The following PIEZO1 variants were observed in gnomAD, a reference collection of about 807,000 sequenced individuals.
PIEZO1 encodes the protein piezo-type mechanosensitive ion channel component 1.
Under a neutral mutation model 297.2 loss-of-function variants are expected in PIEZO1, and 296 were observed. The ratio of observed to expected loss-of-function variants is 1.00; its 90% CI spans 0.91 to 1.10. The LOEUF (loss-of-function observed/expected upper bound fraction) is 1.10. PIEZO1 is among the 50% of genes least tolerant of loss of function. PIEZO1 has a pLI of 0.00. For synonymous variants in PIEZO1, 2,427 were observed against 1,507.5 expected (o/e 1.61, Z -14.13); for missense variants, 5,018 against 3,455.5 (o/e 1.45, Z -11.34).
At chr16:88,726,042 G>A (rs1485102129) in intron 27 of PIEZO1, 2 of 573,684 alleles carry the variant, frequency 3.5e-6, no homozygotes, top group Non-Finnish European at 6.2e-6. Flanking sequence ...GTTGGCTGGG[G>A]GTGAGACACC....
intron 1 of PIEZO1, among the ~76,000 whole-genome samples, chr16:88,784,560 G>A (rs968750): frequency 6.6e-6 from 1 of 151,436 alleles, no homozygotes; most frequent in African/African-American, 2.4e-5. Context: ...CCTTCCCACC[G>A]GGGCAAACAC....
intron 1 of PIEZO1, among the ~76,000 whole-genome samples, chr16:88,757,211 C>G (rs562243471): frequency 6.6e-6 from 1 of 150,994 alleles, no homozygotes; most frequent in Non-Finnish European, 1.5e-5. Context: ...CCCTCGGAGC[C>G]GGGGGCTGGA....
intron 1 of PIEZO1, among the ~76,000 whole-genome samples, chr16:88,753,055 A>G (rs540427273): frequency 2.8e-3 from 417 of 150,922 alleles, no homozygotes; most frequent in Middle Eastern, 0.017. Flanking sequence ...AGAGAGGAAG[A>G]GGGCTACTTA....
Position 88,722,309 on chromosome 16 carries a change from C to T in PIEZO1, c.4864G>A (p.Glu1622Lys), listed in dbSNP as rs2038147351. 6.5e-7 allele frequency: 1 copy of T among 1,547,546 alleles called. No individual in the cohort carries two copies. Among genetic ancestry groups the T allele is most frequent in the South Asian group, 1.2e-5 (1 of 83,832 alleles). The change falls in exon 36 of 51, where the codon GAG becomes AAG. Residue 1622 changes from glutamate to lysine, a missense_variant. Transcript: ENST00000301015. Reference sequence around the variant, plus strand: ...TCCCCGGGGTCGGTGACTGCCTCCTCACTGCCACTGCGCGTGTGGTAGCCG... The same window carrying T: ...TCCCCGGGGTCGGTGACTGCCTCCTTACTGCCACTGCGCGTGTGGTAGCCG... ...STGYHTRSGS[E>K]EAVTDPGERE...
rs145613283 is a variant in PIEZO1 at position 88,723,110 on chromosome 16, C to G, written c.4480G>C (p.Glu1494Gln). The G allele has an allele frequency of 1.3e-6, 2 of 1,548,386 alleles. No individual in the cohort carries two copies. The highest frequency in any genetic ancestry group is 1.2e-5 in the South Asian group (1 of 84,050). ...SQEVEPAEGP[E>Q]EAAAGRSHVV... ...GCCCACGTACCTGCCGCTGCCTCCT[C>G]GGGGCCCTCTGCTGGCTCCACCTCC... The change falls in exon 33 of 51, where the codon GAG (glutamate) becomes CAG (glutamine). Residue 1494 changes from glutamate (E) to glutamine (Q), a missense_variant. Transcript: ENST00000301015.
chr16:88,779,008 A>T (rs1907805125), intron 1 of PIEZO1, among the ~76,000 whole-genome samples: 1 of 149,308 alleles, frequency 6.7e-6, no homozygotes, highest in Non-Finnish European at 1.5e-5. Flanking sequence ...AGGGTTAAAA[A>T]GGGAATTTAA....
chr16:88,770,181 G>C (rs772294764), intron 1 of PIEZO1, among the ~76,000 whole-genome samples: 177 of 152,176 alleles, frequency 1.2e-3, no homozygotes, highest in Non-Finnish European at 1.8e-3. Context: ...TCGGTCTGTC[G>C]GGACAGAACC....
chr16:88,727,321 G>T, intron 23 of PIEZO1, 129 bp from the exon 24 acceptor site: 1 of 1,111,952 alleles, frequency 9.0e-7, no homozygotes, highest in Non-Finnish European at 1.2e-6. Flanking sequence ...CGTCTGCCTG[G>T]GTGAGTGGCC....
chr16:88,726,668 G>GCCAGCGGGT (rs2142785900), intron 25 of PIEZO1, 25 bp from the exon 26 acceptor site: 1 of 1,466,736 alleles, frequency 6.8e-7, no homozygotes, highest in South Asian at 1.2e-5. Context: ...GGTCAGCGGG[G>GCCAGCGGGT]CCAGCGGGGC....
At position 88,721,583 on chromosome 16, in the gene PIEZO1, G is replaced by A. The variant is rs1335426566; in HGVS notation, c.5358C>T (p.Asp1786=). 3.9e-6 allele frequency: 6 copies of A among 1,550,276 alleles called. No homozygotes were observed. Among genetic ancestry groups the A allele is most frequent in the South Asian group, 2.4e-5 (2 of 84,052 alleles). ...AGAAAAGGGCCATGAGCTGCACCAGGTCGTACTTGATGTAGCCGTCAGTCT... is the reference window on the plus strand; with the variant it reads ...AGAAAAGGGCCATGAGCTGCACCAGATCGTACTTGATGTAGCCGTCAGTCT... ...LEKTDGYIKY[D]LVQLMALFFH... is the part of the protein sequence containing the mutation. The change falls in exon 38 of 51, where the codon GAC becomes GAT. Residue 1786 remains aspartate (D), a synonymous_variant. Coordinates refer to ENST00000301015, the MANE Select transcript of PIEZO1 (RefSeq NM_001142864.4).
At chr16:88,762,245 G>A (rs897061099) in intron 1 of PIEZO1, among the ~76,000 whole-genome samples, 2 of 152,134 alleles carry the variant, frequency 1.3e-5, no homozygotes, top group Non-Finnish European at 2.9e-5. Context: ...GAGCCCAGCT[G>A]AAGAAAGGGC....
Position 88,716,486 on chromosome 16 carries a change from G to A in PIEZO1, c.6927-3C>T, listed in dbSNP as rs2142748935. On this transcript the variant is annotated splice_polypyrimidine_tract_variant and splice_region_variant and intron_variant, in intron 47 of 50. Transcript: ENST00000301015. ...CAGTGCCTCCCTTCGCCAGGTCCCT[G>A]GGGGTGGGAACACAGCGTGACCCAC... 6.5e-7 allele frequency: 1 copy of A among 1,545,786 alleles called. No homozygotes were observed. Among genetic ancestry groups the A allele is most frequent in the South Asian group, 1.2e-5 (1 of 83,408 alleles).
intron 33 of PIEZO1, 24 bp downstream of exon 33, chr16:88,723,071 C>T (rs1262727427): frequency 1.0e-5 from 16 of 1,545,844 alleles, no homozygotes; most frequent in Non-Finnish European, 1.4e-5. Context: ...AGACCTCCCA[C>T]TCCCCAGCCC....
chr16:88,779,490 G>A (rs114391200), intron 1 of PIEZO1, among the ~76,000 whole-genome samples: 2,170 of 152,324 alleles, frequency 0.014, 41 homozygotes, highest in African/African-American at 0.049. Flanking sequence ...TAGCTTGGGA[G>A]GGAGAGCAGG....
In PIEZO1 at chr16:88,738,416, G is replaced by C. The variant is rs754804067; in HGVS notation, c.659C>G (p.Ser220Cys). ...CAGGAAGAGCAGCAGGTAGACACTG[G>C]AGAGGGCCGAGGGGTGGGCGATGCC... Reference protein sequence around the residue: ...LAGIAHPSALSSVYLLLFLAL... With the variant: ...LAGIAHPSALCSVYLLLFLAL... Residue 220 changes from serine (S) to cysteine (C), a missense_variant, in exon 7 of 51, where the codon TCC becomes TGC. Transcript: ENST00000301015. 1.1e-5 allele frequency: 17 copies of C among 1,535,732 alleles called. No individual in the cohort carries two copies. Among genetic ancestry groups the C allele is most frequent in the Middle Eastern group, 1.7e-4 (1 of 6,004 alleles).
rs1912493836 is a variant in PIEZO1, at chr16:88,721,973, C to T, written c.5049G>A (p.Val1683=). The T allele has an allele frequency of 1.3e-6, 2 of 1,550,022 alleles. No individual in the cohort carries two copies. Among genetic ancestry groups the T allele is most frequent in the Middle Eastern group, 1.7e-4 (1 of 5,966 alleles). Residue 1683 remains valine (V), a synonymous_variant, in exon 37 of 51, where the codon GTG becomes GTA. Coordinates refer to ENST00000301015, the MANE Select transcript of PIEZO1 (RefSeq NM_001142864.4). The part of the protein sequence containing the change: ...LRLLRAVYQC[V]AAHSELLCYF... ...AGCAGAGCAGCTCCGAGTGGGCGGC[C>T]ACACACTGGTACACGGCCCGCAGCA...
chr16:88,728,453 G>T (rs988937219), intron 22 of PIEZO1, among the ~76,000 whole-genome samples: 2 of 150,078 alleles, frequency 1.3e-5, no homozygotes, highest in Non-Finnish European at 3.0e-5. Context: ...TGCCACAGAG[G>T]GAACCTCGCG....
rs1330917756 is a variant in PIEZO1, at chr16:88,725,331, C to T, written c.4162+85G>A. 10 of 893,144 alleles carry T rather than the reference C, an allele frequency of 1.1e-5. No homozygotes were observed. The South Asian group carries it at 1.4e-4, about 13-fold the overall frequency. The allele number at this position is 893,144 out of a possible 1,614,324, so 55.3% of individuals were successfully genotyped here. ...GCGGGCTGGGAGCCCTGTGGGACGT[C>T]ACATGGGCACAGACGCAGCACACGC... On this transcript the variant is annotated intron_variant, in intron 29 of 50. Coordinates refer to ENST00000301015, the MANE Select transcript of PIEZO1 (RefSeq NM_001142864.4).
rs147054045 is a variant in PIEZO1 at position 88,782,704 on chromosome 16, G to A, written c.64+2197C>T. Among the ~76,000 whole-genome samples the A allele has an allele frequency of 7.5e-3, 1,143 of 152,302 alleles. 13 individuals are homozygous for A. Among genetic ancestry groups the A allele is most frequent in the African/African-American group, 0.026 (1,076 of 41,554 alleles). On this transcript the variant is annotated intron_variant, in intron 1 of 50. Transcript: ENST00000301015. ...GTAGAACTGCTTCCAGCCAAAGCTC[G>A]CCAGAGAGGGAGGGGGCACTCCAAA...
Sources: allele counts gnomAD v4.1 joint callset (sites outside exome capture counted in the v4.1 genomes callset), GRCh38; gene constraint gnomAD v4.1.1; transcripts MANE v1.5; gene names NCBI Gene and HGNC (gene_info 2026-07-23, HGNC 2026-07-21).